The following NUP43 variants were observed in gnomAD, a reference collection of about 807,000 sequenced individuals.
NUP43 encodes nucleoporin Nup43.
A neutral mutation model predicts 47.3 loss-of-function variants in NUP43; 32 were observed. The ratio of observed to expected loss-of-function variants is 0.68; its 90% confidence interval spans 0.51 to 0.91. The LOEUF is 0.91. Ranked by LOEUF, NUP43 falls within the 40% of genes least tolerant of loss-of-function variation. The probability of loss-of-function intolerance (pLI) is 0.00; values close to 1 mark genes in which losing one functional copy is unlikely to be tolerated. For synonymous variants in NUP43, 147 were observed against 158.4 expected (o/e 0.93, Z 0.54); for missense variants, 444 against 453.9 (o/e 0.98, Z 0.20).
Position 149,728,324 on chromosome 6 carries a change from G to T in NUP43, c.914-1126C>A, listed in dbSNP as rs543741026. ...ACCAAGGTTCCTTAAAAGTAAACTT[G>T]CAAGTTCAAGACTGTGCGGTTAGGG... On this transcript the variant is annotated intron_variant, in intron 7 of 7. Coordinates refer to ENST00000340413, the MANE Select transcript of NUP43 (RefSeq NM_198887.3). The T allele has an allele frequency of 3.0e-6, 3 of 985,114 alleles. No individual in the cohort carries two copies. In the East Asian group the frequency reaches 3.4e-4, roughly 112 times the overall value. 61.0% of individuals were successfully genotyped at this position (985,114 alleles called of 1,614,324 possible). A position where few individuals can be genotyped will look rare whatever the true frequency, so the allele number is the denominator to read the frequency against.
intron 6 of NUP43, 111 bp downstream of exon 6, chr6:149,736,360 C>T: frequency 1.6e-6 from 1 of 617,824 alleles, no homozygotes; most frequent in Admixed American, 3.3e-5. Flanking sequence ...CACAATTCAG[C>T]CATTAAAAGC....
chr6:149,738,356 G>C (rs1472341300), intron 5 of NUP43, among the ~76,000 whole-genome samples: 1 of 152,080 alleles, frequency 6.6e-6, no homozygotes, highest in Non-Finnish European at 1.5e-5. Flanking sequence ...ATTACATCTG[G>C]AGTATATTTT....
chr6:149,737,829 T>C (rs908889029), intron 5 of NUP43, among the ~76,000 whole-genome samples: 3 of 152,114 alleles, frequency 2.0e-5, no homozygotes, highest in Non-Finnish European at 4.4e-5. Context: ...TAGCGGGGTC[T>C]ATAGGCACGT....
At chr6:149,746,674 C>T (rs767879437), upstream of NUP43, 13 of 1,549,156 alleles carry the variant, frequency 8.4e-6, no homozygotes, top group South Asian at 1.2e-5. Flanking sequence ...GAGAGGCCCA[C>T]CCATCTCACA....
intron 7 of NUP43, chr6:149,728,514 TTC>T (rs748595010): frequency 1.6e-4 from 141 of 906,112 alleles, no homozygotes; most frequent in Non-Finnish European, 1.8e-4. Context: ...CCCTTAGTTT[TTC>T]TGTTTATCTT....
chr6:149,735,921 C>T (rs1306400735), intron 6 of NUP43, among the ~76,000 whole-genome samples: 2 of 149,772 alleles, frequency 1.3e-5, no homozygotes, highest in Admixed American at 6.7e-5. Context: ...TGTAGTGAGC[C>T]GTGACTGCAC....
In NUP43 at chr6:149,732,929, T is replaced by G. The variant is rs148365576; in HGVS notation, c.791-1194A>C. On this transcript the variant is annotated intron_variant, in intron 6 of 7. Coordinates refer to ENST00000340413, the MANE Select transcript of NUP43 (RefSeq NM_198887.3). The stretch of plus-strand genomic sequence containing the variant: ...CTTATTTTATTTTATTTTTATTTTT[T>G]TAAATAGAGACAGGGTTTTGCTATG... Among the ~76,000 whole-genome samples the G allele has an allele frequency of 2.0e-4, 30 of 152,220 alleles. No individual in the cohort carries two copies. The East Asian group carries it at 5.6e-3, about 28-fold the overall frequency.
At position 149,736,698 on chromosome 6, in the gene NUP43, T is replaced by TG; in HGVS notation, c.639-77_639-76insC. On this transcript the variant is annotated intron_variant, in intron 5 of 7. Coordinates refer to ENST00000340413, the MANE Select transcript of NUP43 (RefSeq NM_198887.3). ...CTTTGTGTAACACAGGAAACACGTTTTTTGTTTGTTTTGAGACAAGGCCTC... is the reference window on the plus strand; with the variant it reads ...CTTTGTGTAACACAGGAAACACGTTTGTTTGTTTGTTTTGAGACAAGGCCTC... 3.0e-6 allele frequency: 4 copies of TG among 1,344,576 alleles called. No individual in the cohort carries two copies. In the South Asian group the frequency reaches 5.6e-5, roughly 19 times the overall value. The allele number at this position is 1,344,576 out of a possible 1,614,324, so 83.3% of individuals were successfully genotyped here. A position where few individuals can be genotyped will look rare whatever the true frequency, so the allele number is the denominator to read the frequency against.
At position 149,745,940 on chromosome 6, in the gene NUP43, C is replaced by G; in HGVS notation, c.243G>C (p.Gln81His). Residue 81 changes from glutamine (Q) to histidine (H), a missense_variant and splice_region_variant, in exon 2 of 8, where the codon CAG becomes CAC. Coordinates refer to ENST00000340413, the MANE Select transcript of NUP43 (RefSeq NM_198887.3). ...GCTTTTGGATGCTACACAGATTTAC[C>G]TGTAAATCCATTACATCACCATGGT... is the stretch of plus-strand genomic sequence containing the variant. ...IRHHGDVMDL[Q>H]FFDQERIVAA... The G allele has an allele frequency of 2.5e-6, 4 of 1,608,770 alleles. No homozygotes were observed. The highest frequency in any genetic ancestry group is 3.4e-6 in the Non-Finnish European group (4 of 1,177,858).
At position 149,738,630 on chromosome 6, in the gene NUP43, A is replaced by C; in HGVS notation, c.638+13T>G. On this transcript the variant is annotated intron_variant, in intron 5 of 7. Coordinates refer to ENST00000340413, the MANE Select transcript of NUP43 (RefSeq NM_198887.3). ...TGTGGATTACATTACTGAAATTACAAATCAACACTTACAGTGACAATATCT... is the reference window on the plus strand; with the variant it reads ...TGTGGATTACATTACTGAAATTACACATCAACACTTACAGTGACAATATCT... The C allele has an allele frequency of 6.5e-7, 1 of 1,541,132 alleles. No homozygotes were observed. The highest frequency in any genetic ancestry group is 1.4e-5 in the African/African-American group (1 of 72,484).
intron 7 of NUP43, among the ~76,000 whole-genome samples, chr6:149,729,717 A>G (rs1176046004): frequency 6.6e-6 from 1 of 151,664 alleles, no homozygotes; most frequent in Non-Finnish European, 1.5e-5. Context: ...TTCTAATTGG[A>G]CTCTTACTGA....
chr6:149,749,091 C>T (rs186144025), upstream of NUP43, among the ~76,000 whole-genome samples: 3 of 152,004 alleles, frequency 2.0e-5, no homozygotes, highest in Admixed American at 6.6e-5. Context: ...TGGTATTATT[C>T]TAAGGGAGCA....
At chr6:149,747,534 T>C (rs1786077254), upstream of NUP43, among the ~76,000 whole-genome samples, 1 of 151,744 alleles carries the variant, frequency 6.6e-6, no homozygotes, top group African/African-American at 2.4e-5. Flanking sequence ...GTGATCCAAC[T>C]GCCTTGTCCT....
upstream of NUP43, among the ~76,000 whole-genome samples, chr6:149,747,121 G>C (rs754466876): frequency 6.6e-6 from 1 of 152,076 alleles, no homozygotes; most frequent in Non-Finnish European, 1.5e-5. Flanking sequence ...TATTGTCAAC[G>C]GCCCAGGAAT....
chr6:149,739,136 A>G (rs1785515645), intron 4 of NUP43, among the ~76,000 whole-genome samples: 1 of 151,876 alleles, frequency 6.6e-6, no homozygotes, highest in African/African-American at 2.4e-5. Flanking sequence ...GTGCCACCAC[A>G]CCCAGCTAAT....
chr6:149,747,825 A>T (rs1000270832), upstream of NUP43, among the ~76,000 whole-genome samples: 1 of 152,234 alleles, frequency 6.6e-6, no homozygotes, highest in Non-Finnish European at 1.5e-5. Flanking sequence ...TCACAGGGAC[A>T]GTTTACGGAA....
rs57442931 is a variant in NUP43, at chr6:149,726,080, C to A, written c.*889G>T. The A allele has an allele frequency of 6.6e-6, 1 of 152,068 alleles. No homozygotes were observed. Among genetic ancestry groups the A allele is most frequent in the African/African-American group, 2.4e-5 (1 of 41,396 alleles). 9.4% of individuals were successfully genotyped at this position (152,068 alleles called of 1,614,324 possible). A position where few individuals can be genotyped will look rare whatever the true frequency, so the allele number is the denominator to read the frequency against. The stretch of plus-strand genomic sequence containing the variant: ...AAAGAGTTCTGCTCAAAAACCTATT[C>A]TGAAAAAGGAACTTGTCAAAACATT... On this transcript the variant is annotated 3_prime_UTR_variant, in exon 8 of 8. Transcript: ENST00000340413.
intron 4 of NUP43, among the ~76,000 whole-genome samples, chr6:149,739,197 C>T (rs1203175211): frequency 6.6e-5 from 10 of 152,090 alleles, no homozygotes; most frequent in African/African-American, 1.7e-4. Flanking sequence ...AGGCTGGTCT[C>T]GAACTCCCGA....
Position 149,728,023 on chromosome 6 carries a change from C to G in NUP43, c.914-825G>C, listed in dbSNP as rs1257466591. On this transcript the variant is annotated intron_variant, in intron 7 of 7. Coordinates refer to ENST00000340413, the MANE Select transcript of NUP43 (RefSeq NM_198887.3). The stretch of plus-strand genomic sequence containing the variant: ...TTAGTACATTTAAAATCTTGCTGAT[C>G]CTTTAAAATATGGCTGAACTTCCTT... The G allele has an allele frequency of 9.1e-6, 9 of 985,226 alleles. No individual in the cohort carries two copies. In the South Asian group the frequency reaches 3.8e-4, roughly 41 times the overall value. The allele number at this position is 985,226 out of a possible 1,614,324, so 61.0% of individuals were successfully genotyped here. A position where few individuals can be genotyped will look rare whatever the true frequency, so the allele number is the denominator to read the frequency against.
Sources: gnomAD v4.1 joint callset for allele counts (sites outside exome capture counted in the v4.1 genomes callset) on GRCh38, gnomAD v4.1.1 for gene constraint, MANE v1.5 for transcripts, NCBI Gene and HGNC (gene_info 2026-07-23, HGNC 2026-07-21) for gene names.